LRRC49: variants seen among roughly 807,000 people sequenced by gnomAD.
LRRC49 encodes the protein leucine-rich repeat-containing protein 49.
LRRC49 carries 50 observed loss-of-function variants against 83.3 expected under a neutral mutation model. The ratio of observed to expected loss-of-function variants is 0.60; its 90% CI spans 0.48 to 0.76. LRRC49 has a LOEUF of 0.76. Ranked by LOEUF, LRRC49 falls within the 30% of genes least tolerant of loss-of-function variation. The pLI is 0.00. For missense variants in LRRC49, 704 were observed against 809.1 expected, an observed-to-expected ratio of 0.87 and a Z score of 1.58; for synonymous variants, 286 against 283.3, an observed-to-expected ratio of 1.01 and a Z score of -0.10.
At chr15:70,869,304 G>T (rs1299708215) in intron 1 of LRRC49, among the ~76,000 whole-genome samples, 2 of 152,134 alleles carry the variant, frequency 1.3e-5, no homozygotes, top group African/African-American at 4.8e-5. Flanking sequence ...TTCTATAGAT[G>T]CCATTCACTT....
upstream of LRRC49, among the ~76,000 whole-genome samples, chr15:70,887,779 A>G (rs75686731): frequency 0.044 from 6,677 of 152,280 alleles, 240 homozygotes; most frequent in South Asian, 0.16. Flanking sequence ...AAACACGAAT[A>G]TCAAACGCTT....
intron 3 of LRRC49, among the ~76,000 whole-genome samples, 160 bp downstream of exon 3, chr15:70,896,096 T>C (rs2141100755): frequency 6.6e-6 from 1 of 152,282 alleles, no homozygotes; most frequent in East Asian, 1.9e-4. Context: ...ATTGGTTATA[T>C]ATATGTAGCA....
chr15:70,858,791 A>T, intron 1 of LRRC49: 1 of 876,508 alleles, frequency 1.1e-6, no homozygotes, highest in Non-Finnish European at 1.9e-6. Context: ...CTCCTACACA[A>T]GTGGGCCCAG....
At chr15:70,970,701 G>A (rs1224092791) in intron 9 of LRRC49, among the ~76,000 whole-genome samples, 1 of 152,080 alleles carries the variant, frequency 6.6e-6, no homozygotes, top group African/African-American at 2.4e-5. Flanking sequence ...CTTCTTCATG[G>A]TTTAGTCTTG....
At chr15:70,948,589 CAAG>C (rs1032128855) in intron 8 of LRRC49, among the ~76,000 whole-genome samples, 1 of 149,146 alleles carries the variant, frequency 6.7e-6, no homozygotes, top group Non-Finnish European at 1.5e-5. Flanking sequence ...TCTGATTTCT[CAAG>C]AAGGGTCCTG....
chr15:70,854,646 T>TA (rs771179706), intron 1 of LRRC49, among the ~76,000 whole-genome samples: 15 of 152,316 alleles, frequency 9.8e-5, no homozygotes, highest in Non-Finnish European at 2.1e-4. Context: ...GACCGCGTCT[T>TA]AGGAGGTCAG....
intron 8 of LRRC49, among the ~76,000 whole-genome samples, chr15:70,959,455 C>T (rs999931653): frequency 1.4e-5 from 2 of 147,112 alleles, no homozygotes; most frequent in South Asian, 2.2e-4. Context: ...TGTGCCATTG[C>T]GCTCCAGTCT....
chr15:70,880,052 T>A (rs1169021284), intron 2 of LRRC49, among the ~76,000 whole-genome samples: 4 of 152,174 alleles, frequency 2.6e-5, no homozygotes, highest in Non-Finnish European at 5.9e-5. Context: ...TCATTCATTA[T>A]CTCTAGCCAC....
At chr15:70,986,233 CAT>C (rs1185186436) in intron 11 of LRRC49, among the ~76,000 whole-genome samples, 2 of 152,070 alleles carry the variant, frequency 1.3e-5, no homozygotes, top group Non-Finnish European at 2.9e-5. Context: ...GCAGTATGGC[CAT>C]TTTCATGATA....
intron 9 of LRRC49, among the ~76,000 whole-genome samples, chr15:70,976,690 T>TC (rs978210841): frequency 1.5e-4 from 22 of 151,724 alleles, no homozygotes; most frequent in East Asian, 5.8e-4. Flanking sequence ...GATCCCAGAT[T>TC]CCCCCCCCAA....
chr15:70,854,157 T>A (rs1163099309), intron 1 of LRRC49: 2 of 1,130,668 alleles, frequency 1.8e-6, no homozygotes, highest in Admixed American at 4.5e-5. Flanking sequence ...CGGCAGCGAC[T>A]GCGACGAGGG....
intron 9 of LRRC49, among the ~76,000 whole-genome samples, chr15:70,969,610 C>G (rs529238945): frequency 6.6e-6 from 1 of 152,022 alleles, no homozygotes; most frequent in African/African-American, 2.4e-5. Flanking sequence ...TTCCTATCCA[C>G]GAGCATAGAA....
chr15:70,955,806 C>T (rs921433205), intron 8 of LRRC49, among the ~76,000 whole-genome samples: 21 of 152,142 alleles, frequency 1.4e-4, no homozygotes, highest in Non-Finnish European at 2.9e-5. Context: ...AGAATACAAA[C>T]ACCTGTATTA....
intron 1 of LRRC49, chr15:70,859,641 TG>T (rs1417041265): frequency 6.2e-6 from 4 of 642,474 alleles, no homozygotes; most frequent in African/African-American, 5.4e-5. Flanking sequence ...ATCTCCGAGA[TG>T]AACTGGAACA....
At chr15:70,940,295 C>T (rs369162912) in intron 8 of LRRC49, among the ~76,000 whole-genome samples, 11 of 134,932 alleles carry the variant, frequency 8.2e-5, no homozygotes, top group African/African-American at 2.8e-4. Flanking sequence ...CTCGCTCTGT[C>T]GCCCAGGCTG....
intron 13 of LRRC49, among the ~76,000 whole-genome samples, chr15:71,011,126 C>T (rs190551780): frequency 6.6e-6 from 1 of 152,236 alleles, no homozygotes; most frequent in East Asian, 1.9e-4. Context: ...ATTTCTCCAG[C>T]TAGTTCTCAA....
intron 6 of LRRC49, among the ~76,000 whole-genome samples, chr15:70,912,926 C>A (rs1445389756): frequency 6.6e-6 from 1 of 152,164 alleles, no homozygotes; most frequent in Non-Finnish European, 1.5e-5. Flanking sequence ...ATCCACCTGC[C>A]TCGGCCTCCC....
intron 10 of LRRC49, 109 bp from the exon 11 acceptor site, chr15:70,983,985 G>T (rs73447518): frequency 5.2e-6 from 4 of 763,460 alleles, no homozygotes; most frequent in African/African-American, 3.5e-5. Context: ...AAAGGAACAG[G>T]CTCCTTTTAA....
chr15:70,980,270 G>A, intron 10 of LRRC49, 86 bp downstream of exon 10: 1 of 936,676 alleles, frequency 1.1e-6, no homozygotes, highest in South Asian at 2.0e-5. Context: ...CTGGAAAAGT[G>A]GTTTCTAAAC....
Sources: gnomAD v4.1 joint callset for allele counts (sites outside exome capture counted in the v4.1 genomes callset) on GRCh38, gnomAD v4.1.1 for gene constraint, MANE v1.5 for transcripts, NCBI Gene and HGNC (gene_info 2026-07-23, HGNC 2026-07-21) for gene names.